Variants in SGCZ observed in about 807,000 individuals in gnomAD.
SGCZ encodes zeta-sarcoglycan.
A neutral mutation model predicts 41.3 loss-of-function variants in SGCZ; 40 were observed. That is an observed-to-expected ratio of 0.97 (90% CI 0.75 to 1.26). The LOEUF is 1.26. Among genes scored for constraint, SGCZ ranks in the 50% most tolerant of loss-of-function variants. The pLI is 0.00. For synonymous variants in SGCZ, 206 were observed against 137.5 expected, an observed-to-expected ratio of 1.50 and a Z score of -3.49; for missense variants, 552 against 369.8, an observed-to-expected ratio of 1.49 and a Z score of -4.04.
intron 3 of SGCZ, among the ~76,000 whole-genome samples, chr8:14,271,057 G>A (rs940394819): frequency 3.9e-5 from 6 of 152,268 alleles, no homozygotes; most frequent in African/African-American, 7.2e-5. Flanking sequence ...TGAGGTGGGC[G>A]GAGCGGGGAG....
chr8:15,025,996 T>C (rs1220308711), intron 1 of SGCZ, among the ~76,000 whole-genome samples: 1 of 152,176 alleles, frequency 6.6e-6, no homozygotes, highest in Non-Finnish European at 1.5e-5. Flanking sequence ...CACCTAGTTT[T>C]AAAATTTATC....
chr8:14,792,832 T>C (rs935528278), intron 1 of SGCZ, among the ~76,000 whole-genome samples: 1 of 152,044 alleles, frequency 6.6e-6, no homozygotes, highest in Non-Finnish European at 1.5e-5. Context: ...CCCCTAAAGA[T>C]TGGAGTGTAT....
intron 1 of SGCZ, among the ~76,000 whole-genome samples, chr8:14,817,058 A>G (rs1420790248): frequency 6.6e-6 from 1 of 152,200 alleles, no homozygotes; most frequent in Non-Finnish European, 1.5e-5. Context: ...TTCATGATCT[A>G]TAGAGATAGC....
At chr8:15,163,331 C>T (rs569226398) in intron 1 of SGCZ, among the ~76,000 whole-genome samples, 60 of 152,288 alleles carry the variant, frequency 3.9e-4, no homozygotes, top group African/African-American at 1.3e-3. Flanking sequence ...GAAACTGAGG[C>T]ATAACTACTA....
intron 1 of SGCZ, among the ~76,000 whole-genome samples, chr8:14,854,377 G>A (rs6530810): frequency 0.3 from 45,878 of 151,658 alleles, 9,662 homozygotes; most frequent in African/African-American, 0.59. Context: ...TATATAATTT[G>A]TAGTTTATTT....
At chr8:14,166,262 A>C (rs1804206677) in intron 4 of SGCZ, among the ~76,000 whole-genome samples, 1 of 152,162 alleles carries the variant, frequency 6.6e-6, no homozygotes, top group African/African-American at 2.4e-5. Context: ...AATTTAATGA[A>C]AATATGGAAA....
At chr8:15,146,564 A>C (rs1799042225) in intron 1 of SGCZ, among the ~76,000 whole-genome samples, 1 of 152,200 alleles carries the variant, frequency 6.6e-6, no homozygotes, top group South Asian at 2.1e-4. Context: ...AAAAATCAAA[A>C]GAATAGTTTC....
intron 1 of SGCZ, among the ~76,000 whole-genome samples, chr8:14,727,667 C>T (rs1015484272): frequency 5.3e-5 from 8 of 151,990 alleles, no homozygotes; most frequent in African/African-American, 1.9e-4. Context: ...CCCTCCACCA[C>T]GCCCGGCTAA....
At chr8:15,024,422 T>C (rs777266938) in intron 1 of SGCZ, among the ~76,000 whole-genome samples, 3 of 152,204 alleles carry the variant, frequency 2.0e-5, no homozygotes, top group Non-Finnish European at 2.9e-5. Flanking sequence ...CATTTACTTT[T>C]TAGCTCCTTG....
chr8:15,032,061 C>T (rs1034021676), intron 1 of SGCZ, among the ~76,000 whole-genome samples: 1 of 152,012 alleles, frequency 6.6e-6, no homozygotes, highest in Non-Finnish European at 1.5e-5. Flanking sequence ...TATGATTTTG[C>T]ACAAACAACT....
At chr8:15,196,782 A>G (rs1442508501) in intron 1 of SGCZ, among the ~76,000 whole-genome samples, 2 of 152,160 alleles carry the variant, frequency 1.3e-5, no homozygotes, top group African/African-American at 2.4e-5. Context: ...CTTATTTCTC[A>G]TAATTCTATG....
intron 1 of SGCZ, among the ~76,000 whole-genome samples, chr8:15,202,832 C>G (rs77472787): frequency 0.06 from 9,085 of 152,090 alleles, 307 homozygotes; most frequent in African/African-American, 0.078. Context: ...CAAACCTGGC[C>G]GGGCCTGGTG....
At chr8:14,933,873 A>G (rs938142250) in intron 1 of SGCZ, among the ~76,000 whole-genome samples, 3 of 151,984 alleles carry the variant, frequency 2.0e-5, no homozygotes, top group Non-Finnish European at 4.4e-5. Flanking sequence ...ATCACCATTT[A>G]TTTTTCAATG....
chr8:14,475,105 T>C (rs1801320964), intron 2 of SGCZ, among the ~76,000 whole-genome samples: 1 of 152,218 alleles, frequency 6.6e-6, no homozygotes, highest in African/African-American at 2.4e-5. Context: ...AAGTAGATTC[T>C]GATACAGCTC....
At chr8:14,127,388 C>G (rs992157864) in intron 5 of SGCZ, among the ~76,000 whole-genome samples, 1 of 151,906 alleles carries the variant, frequency 6.6e-6, no homozygotes, top group African/African-American at 2.4e-5. Flanking sequence ...AAAGCATATG[C>G]CAATATGTTA....
chr8:14,684,426 A>G (rs1395717966), intron 1 of SGCZ, among the ~76,000 whole-genome samples: 1 of 152,160 alleles, frequency 6.6e-6, no homozygotes, highest in African/African-American at 2.4e-5. Flanking sequence ...CAGGAATTTC[A>G]CTAATATTTT....
At chr8:14,388,839 GAAA>G (rs57599520) in intron 2 of SGCZ, among the ~76,000 whole-genome samples, 3 of 140,220 alleles carry the variant, frequency 2.1e-5, no homozygotes, top group African/African-American at 7.6e-5. Flanking sequence ...TAATAAAAAA[GAAA>G]AAAAAAAAGA....
intron 1 of SGCZ, among the ~76,000 whole-genome samples, chr8:15,115,096 A>T (rs1024062083): frequency 6.6e-6 from 1 of 152,164 alleles, no homozygotes; most frequent in Non-Finnish European, 1.5e-5. Context: ...TAAAAATATA[A>T]GAGTTTATTT....
intron 1 of SGCZ, among the ~76,000 whole-genome samples, chr8:15,195,530 C>T (rs1280055326): frequency 6.6e-6 from 1 of 152,194 alleles, no homozygotes; most frequent in Non-Finnish European, 1.5e-5. Context: ...TTGCTGTCAT[C>T]AGCCTCCTCT....
Sources: allele counts gnomAD v4.1 joint callset (sites outside exome capture counted in the v4.1 genomes callset), GRCh38; gene constraint gnomAD v4.1.1; transcripts MANE v1.5; gene names NCBI Gene and HGNC (gene_info 2026-07-23, HGNC 2026-07-21).